The following PPP2R2B variants were observed in gnomAD, a reference collection of about 807,000 sequenced individuals.
The protein encoded by PPP2R2B is protein phosphatase 2 regulatory subunit Bbeta.
A neutral mutation model predicts 46.0 loss-of-function variants in PPP2R2B; 5 were observed. That is an observed-to-expected ratio of 0.11 (90% CI 0.06 to 0.23). PPP2R2B has a LOEUF of 0.23. Ranked by LOEUF, PPP2R2B falls within the 10% of genes least tolerant of loss-of-function variation. PPP2R2B has a pLI of 1.00. For synonymous variants in PPP2R2B, 215 were observed against 206.7 expected (o/e 1.04, Z -0.34); for missense variants, 367 against 575.0 (o/e 0.64, Z 3.70).
chr5:146,691,705 C>G (rs545043188), intron 4 of PPP2R2B, among the ~76,000 whole-genome samples: 1 of 152,058 alleles, frequency 6.6e-6, no homozygotes, highest in Non-Finnish European at 1.5e-5. Flanking sequence ...CATGACCTGC[C>G]CTCTCCACTT....
At chr5:147,024,062 G>T (rs1035988861) in intron 1 of PPP2R2B, among the ~76,000 whole-genome samples, 5 of 152,108 alleles carry the variant, frequency 3.3e-5, no homozygotes, top group Non-Finnish European at 5.9e-5. Context: ...TACACTACTG[G>T]CTTTCTTTAT....
chr5:146,814,191 TA>T (rs538306555), intron 2 of PPP2R2B, among the ~76,000 whole-genome samples: 4,992 of 124,370 alleles, frequency 0.04, 149 homozygotes, highest in African/African-American at 0.098. Flanking sequence ...AGAAAACAGC[TA>T]AAAAAAAAAA....
chr5:146,878,332 G>A lies in PPP2R2B; in HGVS notation c.-124-137C>T. 1 of 1,436,558 alleles carries A rather than the reference G, an allele frequency of 7.0e-7. No homozygotes were observed. Among genetic ancestry groups the A allele is most frequent in the Non-Finnish European group, 9.1e-7 (1 of 1,101,060 alleles). The allele number at this position is 1,436,558 out of a possible 1,614,324, so 89.0% of individuals were successfully genotyped here. ...GCTCACTCCAGCTCCAGTTCCCAGC[G>A]AGGATGCTGCGCCTGCCTCCGCTGC... On this transcript the variant is annotated intron_variant, in intron 1 of 9. Transcript: ENST00000394411. This position sits in a 1 kb window ranked among gnomAD's most constrained non-coding sequence, Gnocchi z 4.5.
At chr5:146,751,873 C>T (rs894423560) in intron 2 of PPP2R2B, among the ~76,000 whole-genome samples, 31 of 152,108 alleles carry the variant, frequency 2.0e-4, no homozygotes, top group African/African-American at 7.5e-4. Flanking sequence ...GAGAAAACTA[C>T]AAGTGCAAAG....
At chr5:146,755,445 T>C (rs1276758024) in intron 2 of PPP2R2B, among the ~76,000 whole-genome samples, 1 of 152,242 alleles carries the variant, frequency 6.6e-6, no homozygotes, top group Non-Finnish European at 1.5e-5. Context: ...AGCCAACTCC[T>C]GTCAGTTACT....
chr5:146,701,394 C>A (rs1330828555), intron 2 of PPP2R2B, among the ~76,000 whole-genome samples: 1 of 152,142 alleles, frequency 6.6e-6, no homozygotes, highest in Admixed American at 6.6e-5. Context: ...CACATTTATA[C>A]CCTTTTAAGG....
chr5:146,979,247 C>T (rs1401979877), intron 1 of PPP2R2B, among the ~76,000 whole-genome samples: 1 of 152,124 alleles, frequency 6.6e-6, no homozygotes, highest in Non-Finnish European at 1.5e-5. Flanking sequence ...ATTTACATTT[C>T]TGAGAACATC....
intron 2 of PPP2R2B, among the ~76,000 whole-genome samples, chr5:147,061,460 A>C (rs898563196): frequency 1.3e-5 from 2 of 152,174 alleles, no homozygotes; most frequent in East Asian, 3.8e-4. Context: ...AATTTAACTA[A>C]CTACCTACAG....
intron 1 of PPP2R2B, among the ~76,000 whole-genome samples, chr5:146,892,843 T>C (rs530451458): frequency 2.0e-4 from 30 of 152,338 alleles, no homozygotes; most frequent in African/African-American, 7.0e-4. Context: ...GAATTTTTCA[T>C]ATTAATTTGT....
At chr5:146,814,938 T>C (rs998458913) in intron 2 of PPP2R2B, among the ~76,000 whole-genome samples, 2 of 152,248 alleles carry the variant, frequency 1.3e-5, no homozygotes, top group Non-Finnish European at 2.9e-5. Context: ...TGCCCCTCAG[T>C]TGAATTCTTT....
At chr5:146,722,334 AAG>A (rs1454246992) in intron 2 of PPP2R2B, among the ~76,000 whole-genome samples, 4 of 152,176 alleles carry the variant, frequency 2.6e-5, no homozygotes, top group Non-Finnish European at 5.9e-5. Flanking sequence ...TGAAGTCACA[AAG>A]AGAGTTAGTA....
At chr5:146,656,138 G>A (rs548952253) in intron 5 of PPP2R2B, among the ~76,000 whole-genome samples, 59 of 152,302 alleles carry the variant, frequency 3.9e-4, no homozygotes, top group Non-Finnish European at 6.8e-4. Context: ...GTTCTTGTGT[G>A]TATGTGTACA....
intron 5 of PPP2R2B, among the ~76,000 whole-genome samples, chr5:146,684,635 C>T (rs1427758651): frequency 1.3e-5 from 2 of 152,194 alleles, no homozygotes; most frequent in Non-Finnish European, 2.9e-5. Context: ...AGATGCCCAA[C>T]ATGAAAGCCC....
chr5:146,708,878 T>C (rs1182565685), intron 2 of PPP2R2B, among the ~76,000 whole-genome samples: 1 of 152,234 alleles, frequency 6.6e-6, no homozygotes, highest in Non-Finnish European at 1.5e-5. Context: ...TTTTCACCTA[T>C]GCCCTTGTCT....
intron 2 of PPP2R2B, among the ~76,000 whole-genome samples, chr5:146,760,031 T>A (rs1754065157): frequency 6.6e-6 from 1 of 152,038 alleles, no homozygotes; most frequent in Admixed American, 6.6e-5. Context: ...ACAAGAAAGG[T>A]GTGTTTGTTT....
chr5:146,657,548 C>T (rs1380618873), intron 5 of PPP2R2B, among the ~76,000 whole-genome samples: 1 of 152,082 alleles, frequency 6.6e-6, no homozygotes, highest in East Asian at 1.9e-4. Context: ...CCACATTCTC[C>T]TTCCTAAAAT....
intron 2 of PPP2R2B, among the ~76,000 whole-genome samples, chr5:146,840,876 G>T (rs908504780): frequency 1.3e-5 from 2 of 152,142 alleles, no homozygotes; most frequent in African/African-American, 4.8e-5. Context: ...AAACAAACAC[G>T]TCCTTAATCT....
intron 1 of PPP2R2B, among the ~76,000 whole-genome samples, chr5:146,951,505 C>G (rs893351147): frequency 2.3e-4 from 35 of 151,980 alleles, no homozygotes; most frequent in African/African-American, 8.2e-4. Context: ...TGCTCTCCCC[C>G]ATCTCCCGAC....
At chr5:147,003,824 T>C (rs757749680) in intron 1 of PPP2R2B, among the ~76,000 whole-genome samples, 23 of 152,182 alleles carry the variant, frequency 1.5e-4, no homozygotes, top group Admixed American at 9.8e-4. Flanking sequence ...AAAATCCTTC[T>C]GCCTTCTACC....
Sources: allele counts gnomAD v4.1 joint callset (sites outside exome capture counted in the v4.1 genomes callset), GRCh38; gene constraint gnomAD v4.1.1; non-coding constraint Gnocchi (gnomAD v3.1); transcripts MANE v1.5; gene names NCBI Gene and HGNC (gene_info 2026-07-23, HGNC 2026-07-21).